The following HNF4A variants were observed in gnomAD, a reference collection of about 807,000 sequenced individuals.
HNF4A encodes the protein hepatocyte nuclear factor 4 alpha.
Under a neutral mutation model 52.4 loss-of-function variants are expected in HNF4A, and 15 were observed. That is an observed-to-expected ratio of 0.29 (90% CI 0.19 to 0.44). HNF4A has a LOEUF of 0.44. Ranked by LOEUF, HNF4A falls within the 20% of genes least tolerant of loss-of-function variation. The pLI, the probability that HNF4A is intolerant of heterozygous loss-of-function variation, is 1.00. For missense variants in HNF4A, 479 were observed against 647.2 expected, an observed-to-expected ratio of 0.74 and a Z score of 2.82; for synonymous variants, 280 against 264.4, an observed-to-expected ratio of 1.06 and a Z score of -0.57.
intron 1 of HNF4A, among the ~76,000 whole-genome samples, chr20:44,358,848 C>T (rs745491508): frequency 2.0e-5 from 3 of 152,180 alleles, no homozygotes; most frequent in East Asian, 1.9e-4. Context: ...AGAGCAAGCA[C>T]GCAAGAAATC....
Position 44,428,436 on chromosome 20 carries a change from C to A in HNF4A, c.1231C>A (p.His411Asn), listed in dbSNP as rs762669064. 9 of 1,614,054 alleles carry A rather than the reference C, an allele frequency of 5.6e-6. No individual in the cohort carries two copies. Among genetic ancestry groups the A allele is most frequent in the Non-Finnish European group, 7.6e-6 (9 of 1,180,038 alleles). ...CATCGTTGCCAACACAATGCCCACTCACCTCAGCAACGGACAGATGTGTGA... is the reference window on the plus strand; with the variant it reads ...CATCGTTGCCAACACAATGCCCACTAACCTCAGCAACGGACAGATGTGTGA... The change falls in exon 9 of 10, where the codon CAC becomes AAC. Residue 411 changes from histidine (H) to asparagine (N), a missense_variant. By Grantham distance (68) the His-to-Asn change is moderately conservative (BLOSUM62 1). Coordinates refer to ENST00000316099, the MANE Select transcript of HNF4A (RefSeq NM_000457.6).
At chr20:44,400,347 AG>A (rs61197657), upstream of HNF4A, among the ~76,000 whole-genome samples, 1 of 151,276 alleles carries the variant, frequency 6.6e-6, no homozygotes, top group Non-Finnish European at 1.5e-5. Flanking sequence ...GAGAGGGAGG[AG>A]GGGGAAGAGG....
intron 1 of HNF4A, among the ~76,000 whole-genome samples, chr20:44,405,192 A>G (rs1032894893): frequency 1.3e-5 from 2 of 152,092 alleles, no homozygotes; most frequent in Non-Finnish European, 2.9e-5. Context: ...TCTTCTTCAA[A>G]GGGGTCTATC....
chr20:44,424,722 C>A, intron 8 of HNF4A: 2 of 616,220 alleles, frequency 3.2e-6, no homozygotes, highest in South Asian at 2.4e-5. Flanking sequence ...TGTGCTAAGA[C>A]CCTAACGGCT....
At chr20:44,391,765 T>C (rs1444210546) in intron 1 of HNF4A, among the ~76,000 whole-genome samples, 3 of 152,296 alleles carry the variant, frequency 2.0e-5, no homozygotes, top group Middle Eastern at 3.4e-3. Flanking sequence ...TACTCATGTA[T>C]GATCTTACAT....
chr20:44,370,084 TGGCGCGATCTC>T (rs1222339965), intron 1 of HNF4A, among the ~76,000 whole-genome samples: 2 of 152,256 alleles, frequency 1.3e-5, no homozygotes, highest in Non-Finnish European at 2.9e-5. Flanking sequence ...TGGAGTGCGG[TGGCGCGATCTC>T]GGCTCACTGC....
intron 5 of HNF4A, among the ~76,000 whole-genome samples, chr20:44,418,220 G>A (rs562078416): frequency 4.9e-4 from 75 of 152,260 alleles, no homozygotes; most frequent in African/African-American, 1.5e-3. Context: ...CAGAGTCAGC[G>A]CGAGGTCTCT....
chr20:44,394,290 G>A (rs566206173), intron 1 of HNF4A, among the ~76,000 whole-genome samples: 1 of 152,154 alleles, frequency 6.6e-6, no homozygotes, highest in South Asian at 2.1e-4. Context: ...CTGAATACCC[G>A]AGGTGACCTT....
chr20:44,367,310 G>A (rs745790231), intron 1 of HNF4A, among the ~76,000 whole-genome samples: 2 of 149,706 alleles, frequency 1.3e-5, no homozygotes, highest in Non-Finnish European at 3.0e-5. Flanking sequence ...ACTCCAGCCT[G>A]GGCAACAAAA....
rs751374772 is a variant in HNF4A at position 44,369,249 on chromosome 20, C to CAAAAAAAAA, written c.49+13417_49+13425dup. ...GGGCAACAAGAGCAAAACTCCATCT[C>CAAAAAAAAA]AAAAAAAAAAAAAAAAAAAAAAAAA... On this transcript the variant is annotated intron_variant, in intron 1 of 9. Transcript: ENST00000316673. Among the ~76,000 whole-genome samples, 7 of 24,818 alleles carry CAAAAAAAAA rather than the reference C, an allele frequency of 2.8e-4. 1 individual carries two copies. Among genetic ancestry groups the CAAAAAAAAA allele is most frequent in the African/African-American group, 9.2e-4 (5 of 5,430 alleles). The allele number at this position is 24,818 out of a possible 152,430, so 16.3% of individuals were successfully genotyped here.
chr20:44,366,306 A>G (rs1230316578), intron 1 of HNF4A, among the ~76,000 whole-genome samples: 1 of 152,118 alleles, frequency 6.6e-6, no homozygotes, highest in Non-Finnish European at 1.5e-5. Context: ...GGTTTTACAC[A>G]TATTAACTCC....
rs1308067973 is a variant in HNF4A, at chr20:44,420,000, GC to G, written c.892+126del. Reference sequence around the variant, plus strand: ...CTCATGTTAACGACAGCCAGGAGAGGCCGTTTTCATTTAACAGATGAGGCAA... The same window carrying G: ...CTCATGTTAACGACAGCCAGGAGAGGCGTTTTCATTTAACAGATGAGGCAA... On this transcript the variant is annotated intron_variant, in intron 7 of 9. Transcript: ENST00000316099. 49 of 1,031,010 alleles carry G rather than the reference GC, an allele frequency of 4.8e-5. No homozygotes were observed. The Admixed American group carries it at 8.5e-4, about 18-fold the overall frequency. 63.9% of individuals were successfully genotyped at this position (1,031,010 alleles called of 1,614,324 possible). A position where few individuals can be genotyped will look rare whatever the true frequency, so the allele number is the denominator to read the frequency against.
At chr20:44,429,224 T>C (rs1039405000) in intron 9 of HNF4A, among the ~76,000 whole-genome samples, 1 of 152,138 alleles carries the variant, frequency 6.6e-6, no homozygotes, top group Non-Finnish European at 1.5e-5. Context: ...CAGCCAGGCC[T>C]GGGCCTTGGT....
At chr20:44,391,808 A>C (rs538948483) in intron 1 of HNF4A, among the ~76,000 whole-genome samples, 237 of 152,324 alleles carry the variant, frequency 1.6e-3, no homozygotes, top group African/African-American at 5.2e-3. Flanking sequence ...ACCTTGGCAG[A>C]TACATCTGTA....
chr20:44,401,387 A>C lies in HNF4A; in HGVS notation c.15A>C (p.Lys5Asn). 1 of 1,614,114 alleles carries C rather than the reference A, an allele frequency of 6.2e-7. No individual in the cohort carries two copies. Among genetic ancestry groups the C allele is most frequent in the South Asian group, 1.1e-5 (1 of 91,072 alleles). Residue 5 changes from lysine to asparagine, a missense_variant, in exon 1 of 10, where the codon AAA (lysine) becomes AAC (asparagine). Around this residue, in one of 3 missense-constraint regions of HNF4A, gnomAD observed 90 missense variants for 105.5 expected, o/e 0.85. Coordinates refer to ENST00000316099, the MANE Select transcript of HNF4A (RefSeq NM_000457.6). ...AGGCAGGGAGAATGCGACTCTCCAA[A>C]ACCCTCGTCGACATGGACATGGCCG...
chr20:44,428,509 A>G, intron 9 of HNF4A, 22 bp downstream of exon 9: 1 of 1,611,406 alleles, frequency 6.2e-7, no homozygotes, highest in Non-Finnish European at 8.5e-7. Flanking sequence ...CTGGGATTTT[A>G]CCTTGCAAAG....
chr20:44,362,417 T>G (rs533176731), intron 1 of HNF4A, among the ~76,000 whole-genome samples: 5 of 115,568 alleles, frequency 4.3e-5, no homozygotes, highest in Non-Finnish European at 8.8e-5. Context: ...GAAACTTGTC[T>G]TAAAAAAAAA....
Position 44,414,566 on chromosome 20 carries a change from C to T in HNF4A, c.552C>T (p.Ile184=), listed in dbSNP as rs746527431. The T allele has an allele frequency of 7.4e-6, 12 of 1,614,128 alleles. No individual in the cohort carries two copies. The Admixed American group carries it at 1.2e-4, about 16-fold the overall frequency. Residue 184 remains isoleucine (I), a synonymous_variant, in exon 5 of 10, where the codon ATC becomes ATT. Coordinates refer to ENST00000316099, the MANE Select transcript of HNF4A (RefSeq NM_000457.6). ...TTCGGGCGAAGAAGATTGCCAGCAT[C>T]GCAGATGTGTGTGAGTCCATGAAGG...
chr20:44,429,839 C>G lies in HNF4A; in HGVS notation c.*174C>G. 1.5e-6 allele frequency: 1 copy of G among 650,372 alleles called. No individual in the cohort carries two copies. The highest frequency in any genetic ancestry group is 2.7e-6 in the Non-Finnish European group (1 of 376,382). The allele number at this position is 650,372 out of a possible 1,614,324, so 40.3% of individuals were successfully genotyped here. ...CTAAGGGCCACATCCCACTGCCACC[C>G]TTGACGCCCTGCTCTGGATAACAAG... On this transcript the variant is annotated 3_prime_UTR_variant, in exon 10 of 10. Transcript: ENST00000316099.
Sources: allele counts gnomAD v4.1 joint callset (sites outside exome capture counted in the v4.1 genomes callset), GRCh38; gene constraint gnomAD v4.1.1; regional missense constraint gnomAD v4.1.1; transcripts MANE v1.5; gene names NCBI Gene and HGNC (gene_info 2026-07-23, HGNC 2026-07-21).